SLC15A1: variants seen among roughly 807,000 people sequenced by gnomAD.
SLC15A1 encodes the protein Caco-2 oligopeptide transporter.
SLC15A1 carries 83 observed loss-of-function variants against 92.9 expected under a neutral mutation model. The observed-to-expected ratio is 0.89, with a 90% CI of 0.75 to 1.07. The LOEUF is 1.07. Ranked by LOEUF, SLC15A1 falls within the 50% of genes least tolerant of loss-of-function variation. The probability of loss-of-function intolerance (pLI) is 0.00; values close to 1 mark genes in which losing one functional copy is unlikely to be tolerated. For missense variants in SLC15A1, 857 were observed against 880.1 expected (o/e 0.97, Z 0.33); for synonymous variants, 322 against 318.2 (o/e 1.01, Z -0.13).
At chr13:98,697,937 T>A (rs1473649772) in intron 18 of SLC15A1, among the ~76,000 whole-genome samples, 1 of 151,946 alleles carries the variant, frequency 6.6e-6, no homozygotes, top group East Asian at 1.9e-4. Context: ...TGCTGAAGAG[T>A]TGGTTTTTCA....
chr13:98,743,397 G>A (rs2139611636), intron 1 of SLC15A1, among the ~76,000 whole-genome samples: 1 of 152,282 alleles, frequency 6.6e-6, no homozygotes, highest in African/African-American at 2.4e-5. Flanking sequence ...ACAACTTTCA[G>A]CATCTTGTTC....
At chr13:98,745,078 C>T (rs1310623192) in intron 1 of SLC15A1, among the ~76,000 whole-genome samples, 5 of 152,102 alleles carry the variant, frequency 3.3e-5, no homozygotes, top group Admixed American at 6.6e-5. Flanking sequence ...TCCACAGTAC[C>T]GCATCAACAG....
intron 22 of SLC15A1, 41 bp from the exon 23 acceptor site, chr13:98,684,956 A>G: frequency 6.5e-7 from 1 of 1,536,328 alleles, no homozygotes; most frequent in Non-Finnish European, 8.9e-7. Context: ...AAGAACAAAA[A>G]TAAAACAGGT....
intron 1 of SLC15A1, among the ~76,000 whole-genome samples, chr13:98,748,428 C>T (rs1351416647): frequency 6.6e-6 from 1 of 152,104 alleles, no homozygotes; most frequent in Non-Finnish European, 1.5e-5. Flanking sequence ...GTAGCTGGGA[C>T]TAGAGGTGCG....
At chr13:98,734,902 G>T (rs1254300578) in intron 1 of SLC15A1, among the ~76,000 whole-genome samples, 4 of 152,036 alleles carry the variant, frequency 2.6e-5, no homozygotes, top group Admixed American at 6.6e-5. Context: ...GAATTTAAAG[G>T]TACAAAGAGG....
In SLC15A1 at chr13:98,702,500, T is replaced by C. The variant is rs8187828; in HGVS notation, c.1446A>G (p.Glu482=). The C allele has an allele frequency of 2.0e-3, 3,278 of 1,609,070 alleles. 78 individuals carry two copies. In the African/African-American group the frequency reaches 0.038, roughly 18 times the overall value. ...CATACCTGATTCCATTTTCCCCTTT[T>C]TCTGGCTTCTGGTTAAGACCATCCT... ...VVKDGLNQKP[E]KGENGIRFVN... The change falls in exon 18 of 23, where the codon GAA becomes GAG. Residue 482 remains glutamate, a synonymous_variant. Coordinates refer to ENST00000376503, the MANE Select transcript of SLC15A1 (RefSeq NM_005073.4).
chr13:98,731,774 C>T (rs1172377257), intron 1 of SLC15A1, among the ~76,000 whole-genome samples: 3 of 151,984 alleles, frequency 2.0e-5, no homozygotes, highest in Non-Finnish European at 4.4e-5. Context: ...AAGTTTTTCT[C>T]TACTCCAACC....
At position 98,742,523 on chromosome 13, in the gene SLC15A1, C is replaced by T. The variant is rs543380832; in HGVS notation, c.4+10072G>A. Among the ~76,000 whole-genome samples the T allele has an allele frequency of 3.9e-5, 6 of 152,252 alleles. No individual in the cohort carries two copies. The East Asian group carries it at 7.7e-4, about 20-fold the overall frequency. On this transcript the variant is annotated intron_variant, in intron 1 of 22. Coordinates refer to ENST00000376503, the MANE Select transcript of SLC15A1 (RefSeq NM_005073.4). Reference sequence around the variant, plus strand: ...CTGTCTTACAGAGTGCCTCAAACCGCGTGGCTTACAACATGGAAATGTGGC... The same window carrying T: ...CTGTCTTACAGAGTGCCTCAAACCGTGTGGCTTACAACATGGAAATGTGGC...
At chr13:98,689,794 G>A (rs1230357465) in intron 18 of SLC15A1, among the ~76,000 whole-genome samples, 2 of 152,196 alleles carry the variant, frequency 1.3e-5, no homozygotes, top group Non-Finnish European at 2.9e-5. Flanking sequence ...GGAGGCCTGT[G>A]TGGTCCTGGA....
chr13:98,734,595 G>A (rs1244343548), intron 1 of SLC15A1, among the ~76,000 whole-genome samples: 3 of 152,042 alleles, frequency 2.0e-5, no homozygotes, highest in Non-Finnish European at 4.4e-5. Context: ...TTTTCCAACG[G>A]TCTTAGCAAA....
intron 8 of SLC15A1, among the ~76,000 whole-genome samples, chr13:98,718,929 G>A (rs9517418): frequency 1.3e-5 from 2 of 152,064 alleles, no homozygotes; most frequent in African/African-American, 2.4e-5. Context: ...CTGGGATTAC[G>A]GGCATGAGTG....
Position 98,687,676 on chromosome 13 carries a change from T to C in SLC15A1, c.1732A>G (p.Thr578Ala). 1 of 1,614,126 alleles carries C rather than the reference T, an allele frequency of 6.2e-7. No individual in the cohort carries two copies. Among genetic ancestry groups the C allele is most frequent in the East Asian group, 2.2e-5 (1 of 44,880 alleles). Residue 578 changes from threonine (T) to alanine (A), a missense_variant, in exon 21 of 23, where the codon ACA (threonine) becomes GCA (alanine). Transcript: ENST00000376503. ...GGGATTTGCAGAGCCATGTTAACTG[T>C]GTTGGCTGAAATATCTTCAAACACC... ...VKVFEDISAN[T>A]VNMALQIPQY...
chr13:98,707,851 C>T (rs1423339750), intron 15 of SLC15A1, among the ~76,000 whole-genome samples: 2 of 133,152 alleles, frequency 1.5e-5, no homozygotes, highest in African/African-American at 6.0e-5. Flanking sequence ...GATCGCACCA[C>T]TGCACTCCAG....
At chr13:98,723,282 C>T (rs1313539722) in intron 5 of SLC15A1, among the ~76,000 whole-genome samples, 3 of 152,074 alleles carry the variant, frequency 2.0e-5, no homozygotes, top group South Asian at 2.1e-4. Flanking sequence ...TGGGGATTGC[C>T]GATACTAATT....
At chr13:98,691,616 G>A (rs1026961517) in intron 18 of SLC15A1, among the ~76,000 whole-genome samples, 1 of 152,176 alleles carries the variant, frequency 6.6e-6, no homozygotes, top group African/African-American at 2.4e-5. Context: ...CAATCTTATT[G>A]TGTTGATATC....
intron 11 of SLC15A1, among the ~76,000 whole-genome samples, chr13:98,710,620 G>A (rs1892503): frequency 0.44 from 66,339 of 151,464 alleles, 15,746 homozygotes; most frequent in Non-Finnish European, 0.54. Context: ...GTTGGAGACC[G>A]GCCTGGTCAA....
At chr13:98,728,474 C>T (rs2088320360) in intron 1 of SLC15A1, among the ~76,000 whole-genome samples, 2 of 152,062 alleles carry the variant, frequency 1.3e-5, no homozygotes, top group South Asian at 4.2e-4. Context: ...AGATAGATAT[C>T]ACATATTCTC....
At chr13:98,716,047 A>C in intron 8 of SLC15A1, 87 bp from the exon 9 acceptor site, 1 of 1,138,540 alleles carries the variant, frequency 8.8e-7, no homozygotes, top group East Asian at 2.4e-5. Flanking sequence ...TTGAATTATA[A>C]CTTTGTTTTG....
intron 7 of SLC15A1, among the ~76,000 whole-genome samples, chr13:98,719,604 G>T (rs537833494): frequency 3.0e-4 from 45 of 152,118 alleles, no homozygotes; most frequent in Non-Finnish European, 6.2e-4. Context: ...CTTTACGGGG[G>T]AGATAAAGAT....
Sources: allele counts gnomAD v4.1 joint callset (sites outside exome capture counted in the v4.1 genomes callset), GRCh38; gene constraint gnomAD v4.1.1; transcripts MANE v1.5; gene names NCBI Gene and HGNC (gene_info 2026-07-23, HGNC 2026-07-21).